The following OLFM4 variants were observed in gnomAD, a reference collection of about 807,000 sequenced individuals.
OLFM4 encodes the protein olfactomedin 4.
Under a neutral mutation model 25.5 loss-of-function variants are expected in OLFM4, and 22 were observed. The observed-to-expected ratio is 0.86, with a 90% CI of 0.62 to 1.23. The LOEUF (loss-of-function observed/expected upper bound fraction) is 1.23. Among genes scored for constraint, OLFM4 ranks in the 50% most tolerant of loss-of-function variants. The pLI, the probability that OLFM4 is intolerant of heterozygous loss-of-function variation, is 0.00. For missense variants in OLFM4, 594 were observed against 619.4 expected (o/e 0.96, Z 0.44); for synonymous variants, 255 against 237.7 (o/e 1.07, Z -0.67).
At chr13:53,047,156 G>A (rs1954719745) in intron 4 of OLFM4, among the ~76,000 whole-genome samples, 1 of 152,232 alleles carries the variant, frequency 6.6e-6, no homozygotes, top group African/African-American at 2.4e-5. Context: ...TGGGCAATGG[G>A]CTGTTGCCCA....
chr13:53,043,375 T>G (rs1954698431), intron 4 of OLFM4, 111 bp downstream of exon 4: 2 of 861,982 alleles, frequency 2.3e-6, no homozygotes, highest in Non-Finnish European at 3.2e-6. Flanking sequence ...TGGGTTGTTT[T>G]TTTTTTTTTT....
chr13:53,034,565 A>T (rs992353910), intron 2 of OLFM4, 65 bp downstream of exon 2: 2 of 1,393,662 alleles, frequency 1.4e-6, no homozygotes, highest in African/African-American at 2.9e-5. Context: ...GTTTTAATTT[A>T]GGATTTTATA....
chr13:53,031,007 A>C (rs1189311966), intron 1 of OLFM4, among the ~76,000 whole-genome samples: 2 of 152,232 alleles, frequency 1.3e-5, no homozygotes, highest in Non-Finnish European at 2.9e-5. Flanking sequence ...AGAAACCAGC[A>C]TTTGGGTAAG....
chr13:53,036,071 A>G (rs774509911), intron 2 of OLFM4, among the ~76,000 whole-genome samples: 2 of 152,262 alleles, frequency 1.3e-5, no homozygotes, highest in Non-Finnish European at 2.9e-5. Flanking sequence ...CAACATAGTT[A>G]TCCTTTAAAA....
At chr13:53,038,510 A>G (rs1314887556) in intron 2 of OLFM4, among the ~76,000 whole-genome samples, 1 of 152,198 alleles carries the variant, frequency 6.6e-6, no homozygotes, top group African/African-American at 2.4e-5. Context: ...ATTATAATAC[A>G]ATGGTAAGTT....
intron 2 of OLFM4, among the ~76,000 whole-genome samples, chr13:53,039,189 A>G (rs1954674867): frequency 6.6e-6 from 1 of 152,238 alleles, no homozygotes; most frequent in Non-Finnish European, 1.5e-5. Flanking sequence ...GTTCCAGAGA[A>G]GCTGAGGGTG....
chr13:53,046,443 T>A (rs1441712869), intron 4 of OLFM4, among the ~76,000 whole-genome samples: 2 of 152,234 alleles, frequency 1.3e-5, no homozygotes, highest in African/African-American at 2.4e-5. Flanking sequence ...TATAGAGGGT[T>A]CCTCAAATTA....
At chr13:53,045,982 G>A (rs4886119) in intron 4 of OLFM4, among the ~76,000 whole-genome samples, 112,122 of 152,020 alleles carry the variant, frequency 0.74, 42,297 homozygotes, top group African/African-American at 0.89. Flanking sequence ...GCAAGGTTCT[G>A]TGCTGGTCCA....
chr13:53,032,702 A>T (rs1440207565), intron 1 of OLFM4, among the ~76,000 whole-genome samples: 3 of 149,468 alleles, frequency 2.0e-5, no homozygotes, highest in Non-Finnish European at 4.4e-5. Flanking sequence ...CACATAAAAA[A>T]TATGATTGGA....
chr13:53,050,064 A>G lies in OLFM4; in HGVS notation c.826A>G (p.Arg276Gly). Residue 276 changes from arginine (R) to glycine (G), a missense_variant, in exon 5 of 5, where the codon AGG (arginine) becomes GGG (glycine). Physicochemically the swap from Arg to Gly is moderately radical, Grantham distance 125. Transcript: ENST00000219022. ...TTCTTATCTATATGGTGCTTGGGGT[A>G]GGGATTACTCTCCCCAGCATCCAAA... The part of the protein sequence containing the change: ...GFSYLYGAWG[R>G]DYSPQHPNKG... 6.2e-7 allele frequency: 1 copy of G among 1,613,952 alleles called. No individual in the cohort carries two copies. The highest frequency in any genetic ancestry group is 8.5e-7 in the Non-Finnish European group (1 of 1,179,892).
intron 3 of OLFM4, 85 bp downstream of exon 3, chr13:53,042,207 C>G: frequency 1.8e-6 from 2 of 1,118,284 alleles, no homozygotes; most frequent in African/African-American, 1.5e-5. Flanking sequence ...GGAAGTGAAA[C>G]TATCTCTTCC....
intron 4 of OLFM4, among the ~76,000 whole-genome samples, chr13:53,047,330 T>C (rs1387736732): frequency 6.6e-6 from 1 of 152,092 alleles, no homozygotes; most frequent in African/African-American, 2.4e-5. Context: ...TGAGGAACAG[T>C]GGGCACTGGA....
intron 3 of OLFM4, among the ~76,000 whole-genome samples, chr13:53,042,663 A>G (rs999044771): frequency 9.9e-5 from 15 of 152,218 alleles, no homozygotes; most frequent in Non-Finnish European, 1.9e-4. Context: ...GGTAATTTAT[A>G]TCAACAAAAA....
rs1372483847 is a variant in OLFM4 at position 53,029,032 on chromosome 13, G to T, written c.196G>T (p.Val66Leu). 6.2e-7 allele frequency: 1 copy of T among 1,614,030 alleles called. No homozygotes were observed. The highest frequency in any genetic ancestry group is 1.1e-5 in the South Asian group (1 of 91,078). The change falls in exon 1 of 5, where the codon GTG becomes TTG. Residue 66 changes from valine (V) to leucine (L), a missense_variant. Coordinates refer to ENST00000219022, the MANE Select transcript of OLFM4 (RefSeq NM_006418.5). ...CCGCAGCTTAGGCAGCGGAGGTTCT[G>T]TGTCCCAGGTGAGGAGGCCCCAGAA... ...SSRSLGSGGS[V>L]SQLFSNFTGS...
At chr13:53,048,548 G>C (rs1954727706) in intron 4 of OLFM4, among the ~76,000 whole-genome samples, 1 of 152,198 alleles carries the variant, frequency 6.6e-6, no homozygotes, top group African/African-American at 2.4e-5. Flanking sequence ...GGAGGATGGG[G>C]AGGGAAAGCA....
intron 1 of OLFM4, among the ~76,000 whole-genome samples, chr13:53,034,076 A>AAAG (rs1566315565): frequency 2.1e-5 from 3 of 142,260 alleles, no homozygotes; most frequent in Non-Finnish European, 4.5e-5. Context: ...AAAAAAAAAA[A>AAAG]AAAAAGCCTC....
At chr13:53,031,832 C>T (rs1954630746) in intron 1 of OLFM4, among the ~76,000 whole-genome samples, 1 of 152,200 alleles carries the variant, frequency 6.6e-6, no homozygotes, top group Non-Finnish European at 1.5e-5. Context: ...CCTATTTGCC[C>T]TACAGAAGGG....
At chr13:53,036,782 T>G (rs1954661200) in intron 2 of OLFM4, among the ~76,000 whole-genome samples, 1 of 152,224 alleles carries the variant, frequency 6.6e-6, no homozygotes, top group African/African-American at 2.4e-5. Flanking sequence ...CAAGTAACCC[T>G]TTAAGGCAGA....
chr13:53,051,363 G>A lies in OLFM4; in HGVS notation c.*592G>A, dbSNP rs1207914934. 1.3e-5 allele frequency: 2 copies of A among 152,096 alleles called. No individual in the cohort carries two copies. The highest frequency in any genetic ancestry group is 2.4e-5 in the African/African-American group (1 of 41,428). The allele number at this position is 152,096 out of a possible 1,614,324, so 9.4% of individuals were successfully genotyped here. A position where few individuals can be genotyped will look rare whatever the true frequency, so the allele number is the denominator to read the frequency against. On this transcript the variant is annotated 3_prime_UTR_variant, in exon 5 of 5. Coordinates refer to ENST00000219022, the MANE Select transcript of OLFM4 (RefSeq NM_006418.5). ...TAAAGTGCTGAGTTTTATGGAGAGA[G>A]GCCTTTTTATGCATTAAATTGTACA... is the stretch of plus-strand genomic sequence containing the variant.
Sources: allele counts gnomAD v4.1 joint callset (sites outside exome capture counted in the v4.1 genomes callset), GRCh38; gene constraint gnomAD v4.1.1; transcripts MANE v1.5; gene names NCBI Gene and HGNC (gene_info 2026-07-23, HGNC 2026-07-21).